Variants in GOT2 observed in about 807,000 individuals in gnomAD.
GOT2 encodes aspartate aminotransferase, mitochondrial.
GOT2 carries 17 observed loss-of-function variants against 50.0 expected under a neutral mutation model. That is an observed-to-expected ratio of 0.34 (90% CI 0.23 to 0.51). The LOEUF (loss-of-function observed/expected upper bound fraction) is 0.51, where lower values mean the gene tolerates loss of function less well. Ranked by LOEUF, GOT2 falls within the 20% of genes least tolerant of loss-of-function variation. The pLI, the probability that GOT2 is intolerant of heterozygous loss-of-function variation, is 0.97. For synonymous variants in GOT2, 172 were observed against 204.9 expected (o/e 0.84, Z 1.37); for missense variants, 430 against 559.6 (o/e 0.77, Z 2.34).
At chr16:58,708,855 A>AT (rs1193446374) in intron 9 of GOT2, among the ~76,000 whole-genome samples, 4 of 151,774 alleles carry the variant, frequency 2.6e-5, no homozygotes, top group Non-Finnish European at 5.9e-5. Context: ...CAACTAAAAA[A>AT]AAAAAGCAAA....
intron 8 of GOT2, among the ~76,000 whole-genome samples, chr16:58,713,968 A>G (rs2044669954): frequency 6.6e-6 from 1 of 152,188 alleles, no homozygotes; most frequent in Non-Finnish European, 1.5e-5. Context: ...GGCAAACTGG[A>G]TTGACTCTCA....
chr16:58,711,942 T>C (rs30837), intron 8 of GOT2, among the ~76,000 whole-genome samples: 112,208 of 151,914 alleles, frequency 0.74, 42,000 homozygotes, highest in Middle Eastern at 0.9. Context: ...AGCTTGGCTG[T>C]CTCCCACAGT....
At chr16:58,732,768 C>G (rs2044845636) in intron 1 of GOT2, among the ~76,000 whole-genome samples, 1 of 152,232 alleles carries the variant, frequency 6.6e-6, no homozygotes, top group South Asian at 2.1e-4. Context: ...ATCCATAAAA[C>G]AAGGTATTAT....
rs1187451833 is a variant in GOT2 at position 58,722,324 on chromosome 16, G to T, written c.247-46C>A. On this transcript the variant is annotated intron_variant, in intron 2 of 9. Coordinates refer to ENST00000245206, the MANE Select transcript of GOT2 (RefSeq NM_002080.4). Reference sequence around the variant, plus strand: ...CCATTGAATTTCTTCTCCTTACTTGGAATTACTATGATTAATGTTTAAAGT... The same window carrying T: ...CCATTGAATTTCTTCTCCTTACTTGTAATTACTATGATTAATGTTTAAAGT... 2.6e-6 allele frequency: 4 copies of T among 1,565,040 alleles called. No homozygotes were observed. In the South Asian group the frequency reaches 4.4e-5, roughly 17 times the overall value.
chr16:58,726,483 C>CTTTATTTATTTATTTATTTATTTATTTA (rs56257846), intron 1 of GOT2, among the ~76,000 whole-genome samples: 5 of 144,568 alleles, frequency 3.5e-5, no homozygotes, highest in African/African-American at 1.3e-4. Flanking sequence ...CCCCGGCCTG[C>CTTTATTTATTTATTTATTTATTTATTTA]TTTATTTATT....
intron 8 of GOT2, among the ~76,000 whole-genome samples, 172 bp downstream of exon 8, chr16:58,715,842 G>A (rs2044687863): frequency 1.3e-5 from 2 of 152,172 alleles, no homozygotes; most frequent in African/African-American, 2.4e-5. Flanking sequence ...GTGAGCCACT[G>A]TGCCCGGCCT....
chr16:58,718,173 G>A (rs753785918), intron 6 of GOT2, 23 bp downstream of exon 6: 65 of 1,505,594 alleles, frequency 4.3e-5, no homozygotes, highest in Admixed American at 4.0e-4. Context: ...CAGAACTGTC[G>A]CCAGTGAGTT....
rs1236550851 is a variant in GOT2, at chr16:58,730,326, C to T, written c.89+3814G>A. On this transcript the variant is annotated intron_variant, in intron 1 of 9. Transcript: ENST00000245206. ...GACAGTTATTTTTTCTGATTCTCTC[C>T]CTCTTCCCATTCTCTACCCTCAGGT... Among the ~76,000 whole-genome samples the T allele has an allele frequency of 2.6e-5, 4 of 152,072 alleles. No homozygotes were observed. In the East Asian group the frequency reaches 7.7e-4, roughly 29 times the overall value.
chr16:58,733,647 C>T (rs1567492404), intron 1 of GOT2, among the ~76,000 whole-genome samples: 1 of 152,066 alleles, frequency 6.6e-6, no homozygotes, highest in African/African-American at 2.4e-5. Context: ...AATGCCGGCG[C>T]CCCGGAAACC....
intron 1 of GOT2, 117 bp downstream of exon 1, chr16:58,734,023 G>A: frequency 2.2e-6 from 1 of 464,480 alleles, no homozygotes; most frequent in Non-Finnish European, 3.5e-6. Context: ...GTGTGTGTGT[G>A]TGCGTGTGAG....
chr16:58,722,848 T>G (rs767053674), intron 2 of GOT2, among the ~76,000 whole-genome samples: 1 of 152,194 alleles, frequency 6.6e-6, no homozygotes, highest in Non-Finnish European at 1.5e-5. Flanking sequence ...AATGAGATTC[T>G]TGGAATGCAC....
At position 58,716,652 on chromosome 16, in the gene GOT2, C is replaced by T. The variant is rs572596398; in HGVS notation, c.853+11G>A. 1 of 1,612,208 alleles carries T rather than the reference C, an allele frequency of 6.2e-7. No homozygotes were observed. Among genetic ancestry groups the T allele is most frequent in the South Asian group, 1.1e-5 (1 of 90,948 alleles). On this transcript the variant is annotated intron_variant, in intron 7 of 9. Transcript: ENST00000245206. ...ATGAGAGCATGTGTCATGCTGGATG[C>T]TGTAGCTTACCATATAAGCCCATGT...
chr16:58,713,511 C>CA (rs979914500), intron 8 of GOT2, among the ~76,000 whole-genome samples: 1 of 151,730 alleles, frequency 6.6e-6, no homozygotes, highest in Non-Finnish European at 1.5e-5. Context: ...CAAAACAAAA[C>CA]AAAAAACAAA....
At chr16:58,708,534 C>A (rs1207567308) in intron 9 of GOT2, among the ~76,000 whole-genome samples, 1 of 151,716 alleles carries the variant, frequency 6.6e-6, no homozygotes, top group Non-Finnish European at 1.5e-5. Context: ...GAACCTGGAA[C>A]CTGGAACCTG....
chr16:58,712,249 C>G (rs1240048845), intron 8 of GOT2, among the ~76,000 whole-genome samples: 2 of 152,070 alleles, frequency 1.3e-5, no homozygotes, highest in Non-Finnish European at 2.9e-5. Context: ...CGGTGGCTCA[C>G]GTCTATAATC....
intron 1 of GOT2, among the ~76,000 whole-genome samples, chr16:58,733,148 G>A (rs1162394208): frequency 6.6e-6 from 1 of 152,192 alleles, no homozygotes; most frequent in Non-Finnish European, 1.5e-5. Context: ...CTTAAGGAGA[G>A]TGCTCCAAAT....
chr16:58,718,288 G>C lies in GOT2; in HGVS notation c.610C>G (p.Gln204Glu). ...AVEDISKIPE[Q>E]SVLLLHACAH... ...CAGGCATGCAGAAGAAGAACACTCT[G>C]CTCTGGTATTTTCTAAAGAGAAAAA... is the stretch of plus-strand genomic sequence containing the variant. The change falls in exon 6 of 10, where the codon CAG becomes GAG. Residue 204 changes from glutamine (Q) to glutamate (E), a missense_variant. Physicochemically the swap from Gln to Glu is conservative, Grantham distance 29. Coordinates refer to ENST00000245206, the MANE Select transcript of GOT2 (RefSeq NM_002080.4). 6.2e-7 allele frequency: 1 copy of C among 1,613,240 alleles called. No homozygotes were observed. Among genetic ancestry groups the C allele is most frequent in the Non-Finnish European group, 8.5e-7 (1 of 1,179,154 alleles).
intron 8 of GOT2, among the ~76,000 whole-genome samples, chr16:58,710,320 A>G (rs2044636141): frequency 6.6e-6 from 1 of 152,026 alleles, no homozygotes; most frequent in African/African-American, 2.4e-5. Context: ...TCCAGGCTCA[A>G]GTGATCCTCC....
At chr16:58,724,672 C>T (rs1466028607) in intron 1 of GOT2, among the ~76,000 whole-genome samples, 2 of 152,144 alleles carry the variant, frequency 1.3e-5, no homozygotes, top group African/African-American at 4.8e-5. Context: ...TCTGGAGTAG[C>T]TGGGATTACA....
Sources: gnomAD v4.1 joint callset for allele counts (sites outside exome capture counted in the v4.1 genomes callset) on GRCh38, gnomAD v4.1.1 for gene constraint, MANE v1.5 for transcripts, NCBI Gene and HGNC (gene_info 2026-07-23, HGNC 2026-07-21) for gene names.